EPHB2: variants seen among roughly 807,000 people sequenced by gnomAD.
The protein encoded by EPHB2 is EPH receptor B2.
Under a neutral mutation model 96.4 loss-of-function variants are expected in EPHB2, and 18 were observed. That is an observed-to-expected ratio of 0.19 (90% CI 0.13 to 0.28). The LOEUF (loss-of-function observed/expected upper bound fraction) is 0.28, where lower values mean the gene tolerates loss of function less well. Ranked by LOEUF, EPHB2 falls within the 10% of genes least tolerant of loss-of-function variation. EPHB2 has a pLI of 1.00. For missense variants in EPHB2, 989 were observed against 1,355.4 expected (o/e 0.73, Z 4.25); for synonymous variants, 506 against 534.1 (o/e 0.95, Z 0.72).
rs571495825 is a variant in EPHB2, at chr1:22,800,782, A to G, written c.811+15706A>G. Among the ~76,000 whole-genome samples the G allele has an allele frequency of 5.3e-5, 8 of 151,574 alleles. No homozygotes were observed. The South Asian group carries it at 1.7e-3, about 32-fold the overall frequency. ...GTGCGTGTGTATGTGACACACACAC[A>G]CACACACACACACACTCTCTCTCTC... is the stretch of plus-strand genomic sequence containing the variant. On this transcript the variant is annotated intron_variant, in intron 3 of 15. Coordinates refer to ENST00000374630, the MANE Select transcript of EPHB2 (RefSeq NM_017449.5).
At chr1:22,761,928 C>T (rs1003965279) in intron 1 of EPHB2, among the ~76,000 whole-genome samples, 3 of 152,244 alleles carry the variant, frequency 2.0e-5, no homozygotes, top group Admixed American at 1.3e-4. Flanking sequence ...GTGTCTGCTG[C>T]GCATCTCTGC....
chr1:22,739,579 T>C (rs1643879766), intron 1 of EPHB2, among the ~76,000 whole-genome samples: 1 of 152,144 alleles, frequency 6.6e-6, no homozygotes, highest in African/African-American at 2.4e-5. Context: ...CATCACCCCA[T>C]CTCTGAGCAC....
At chr1:22,794,516 A>T (rs1415341822) in intron 3 of EPHB2, among the ~76,000 whole-genome samples, 1 of 152,138 alleles carries the variant, frequency 6.6e-6, no homozygotes, top group Non-Finnish European at 1.5e-5. Context: ...TCATCAGACT[A>T]GGAAACTGAG....
Position 22,895,577 on chromosome 1 carries a change from A to C in EPHB2, c.1697A>C (p.Asn566Thr). The C allele has an allele frequency of 6.2e-7, 1 of 1,614,196 alleles. No homozygotes were observed. The highest frequency in any genetic ancestry group is 8.5e-7 in the Non-Finnish European group (1 of 1,180,016). ...GTGGTTGTCATCGCCATCGTGTGTA[A>C]CAGGTGGGTGGGGTCTCCAGGCTTG... The part of the protein sequence containing the change: ...IAVVVIAIVC[N>T]RRGFERADSE... The change falls in exon 8 of 16, where the codon AAC (asparagine) becomes ACC (threonine). Residue 566 changes from asparagine (N) to threonine (T), a missense_variant. Asn to Thr is a moderately conservative substitution (Grantham distance 65). Transcript: ENST00000374630.
intron 6 of EPHB2, 59 bp downstream of exon 6, chr1:22,882,542 G>GC (rs1639083861): frequency 8.1e-6 from 13 of 1,606,922 alleles, no homozygotes; most frequent in Middle Eastern, 1.7e-4. Flanking sequence ...CCTCTCCCAG[G>GC]CTGAGGCCTG....
chr1:22,915,756 A>G lies in EPHB2; in HGVS notation c.*2186A>G, dbSNP rs1640249158. On this transcript the variant is annotated 3_prime_UTR_variant, in exon 16 of 16. Coordinates refer to ENST00000374630, the MANE Select transcript of EPHB2 (RefSeq NM_017449.5). ...CAAATGAGCTCTTGCTCACATTAAA[A>G]TCAGAATTGTCCACGTGGCAGGAGG... 1 of 152,356 alleles carries G rather than the reference A, an allele frequency of 6.6e-6. No homozygotes were observed. The highest frequency in any genetic ancestry group is 2.1e-4 in the South Asian group (1 of 4,832). 9.4% of individuals were successfully genotyped at this position (152,356 alleles called of 1,614,324 possible).
chr1:22,893,197 T>G, intron 7 of EPHB2, 151 bp downstream of exon 7: 1 of 1,226,854 alleles, frequency 8.2e-7, no homozygotes, highest in Non-Finnish European at 1.2e-6. Flanking sequence ...TTTCGAACCT[T>G]TGTGCACAAC....
chr1:22,878,187 C>T (rs1015962574), intron 5 of EPHB2, among the ~76,000 whole-genome samples: 1 of 152,108 alleles, frequency 6.6e-6, no homozygotes, highest in Non-Finnish European at 1.5e-5. Context: ...AACAGAGCAG[C>T]CCCTGCTGAA....
At chr1:22,717,142 C>T (rs926518540) in intron 1 of EPHB2, among the ~76,000 whole-genome samples, 3 of 152,216 alleles carry the variant, frequency 2.0e-5, no homozygotes, top group African/African-American at 2.4e-5. Flanking sequence ...TCAGAGTTAG[C>T]GCCCACCAGC....
chr1:22,827,986 T>C (rs4503323), intron 3 of EPHB2, among the ~76,000 whole-genome samples: 84,515 of 152,134 alleles, frequency 0.56, 23,625 homozygotes, highest in East Asian at 0.7. Context: ...CACAGTCATG[T>C]GTGTGTCCAC....
chr1:22,813,329 T>G (rs1285142601), intron 3 of EPHB2, among the ~76,000 whole-genome samples: 1 of 152,158 alleles, frequency 6.6e-6, no homozygotes, highest in Non-Finnish European at 1.5e-5. Context: ...TTTCTGGTGA[T>G]CTGGAGCCTG....
At chr1:22,787,714 G>A (rs1644632733) in intron 3 of EPHB2, among the ~76,000 whole-genome samples, 1 of 152,178 alleles carries the variant, frequency 6.6e-6, no homozygotes, top group African/African-American at 2.4e-5. Flanking sequence ...CTGCACTCCA[G>A]CCTGGGTGAC....
At chr1:22,842,390 C>G (rs567646852) in intron 3 of EPHB2, among the ~76,000 whole-genome samples, 1 of 152,282 alleles carries the variant, frequency 6.6e-6, no homozygotes, top group Non-Finnish European at 1.5e-5. Flanking sequence ...GGCTGAAGAA[C>G]TTACTTATGG....
intron 3 of EPHB2, among the ~76,000 whole-genome samples, chr1:22,844,743 C>T (rs556400827): frequency 6.6e-6 from 1 of 152,304 alleles, no homozygotes; most frequent in East Asian, 1.9e-4. Flanking sequence ...GCACCGGATC[C>T]CCCAGGAAGC....
chr1:22,738,175 C>G (rs965930238), intron 1 of EPHB2, among the ~76,000 whole-genome samples: 2 of 152,220 alleles, frequency 1.3e-5, no homozygotes, highest in Admixed American at 1.3e-4. Context: ...ATGATTTATA[C>G]AGAAGCACAG....
chr1:22,882,587 G>A (rs1398240252), intron 6 of EPHB2, 104 bp downstream of exon 6: 2 of 1,565,878 alleles, frequency 1.3e-6, no homozygotes, highest in Non-Finnish European at 1.7e-6. Context: ...AGACGCACTG[G>A]TGCAGCAGAA....
At chr1:22,769,847 C>T (rs1313949499) in intron 1 of EPHB2, among the ~76,000 whole-genome samples, 1 of 151,538 alleles carries the variant, frequency 6.6e-6, no homozygotes, top group African/African-American at 2.4e-5. Flanking sequence ...AATGAATGGG[C>T]GAGTGGATAA....
chr1:22,836,040 T>G (rs965830517), intron 3 of EPHB2: 3 of 152,096 alleles, frequency 2.0e-5, no homozygotes, highest in Non-Finnish European at 4.4e-5. Context: ...AAAGGTCTTA[T>G]GAATTCAGCT....
At position 22,882,547 on chromosome 1, in the gene EPHB2, G is replaced by C. The variant is rs187667670; in HGVS notation, c.1428+64G>C. 8 of 1,604,014 alleles carry C rather than the reference G, an allele frequency of 5.0e-6. No individual in the cohort carries two copies. In the African/African-American group the frequency reaches 9.4e-5, roughly 19 times the overall value. ...CCTGAGGGCCCCTCTCCCAGGCTGA[G>C]GCCTGGGAGTTCTGCCCCACCGCAA... On this transcript the variant is annotated intron_variant, in intron 6 of 15. Transcript: ENST00000374630.
Sources: gnomAD v4.1 joint callset for allele counts (sites outside exome capture counted in the v4.1 genomes callset) on GRCh38, gnomAD v4.1.1 for gene constraint, MANE v1.5 for transcripts, NCBI Gene and HGNC (gene_info 2026-07-23, HGNC 2026-07-21) for gene names.